CSNK2A2IP: variants seen among roughly 807,000 people sequenced by gnomAD.
The protein encoded by CSNK2A2IP is casein kinase II subunit alpha'-interacting protein.
At chr3:88,457,372 A>G in the CSNK2A2IP span, among the ~76,000 whole-genome samples, 87 of 151,614 alleles carry the variant, frequency 5.7e-4, no homozygotes, top group African/African-American at 1.9e-3. Flanking sequence ...TTTTATCTAT[A>G]TTTATAAGAA....
the CSNK2A2IP span, among the ~76,000 whole-genome samples, chr3:88,390,496 C>T: frequency 2.0e-4 from 31 of 152,274 alleles, no homozygotes; most frequent in African/African-American, 7.5e-4. Context: ...GATAACTCAA[C>T]GTCACATCCA....
At chr3:88,417,314 A>G in the CSNK2A2IP span, among the ~76,000 whole-genome samples, 3 of 151,850 alleles carry the variant, frequency 2.0e-5, no homozygotes, top group African/African-American at 7.3e-5. Flanking sequence ...TGCTTTCCTC[A>G]TGTTTATCTG....
chr3:88,438,635 G>T, the CSNK2A2IP span, among the ~76,000 whole-genome samples: 6 of 152,240 alleles, frequency 3.9e-5, no homozygotes, highest in Middle Eastern at 6.8e-3. Context: ...GCCTCACCAG[G>T]CTTCTCCACT....
the CSNK2A2IP span, among the ~76,000 whole-genome samples, chr3:88,429,021 T>A: frequency 4.5e-5 from 4 of 89,608 alleles, no homozygotes; most frequent in Non-Finnish European, 9.8e-5. Flanking sequence ...GGCCCTTGAT[T>A]TTAGATATGG....
the CSNK2A2IP span, among the ~76,000 whole-genome samples, chr3:88,365,830 C>G: frequency 1.3e-5 from 2 of 152,078 alleles, no homozygotes; most frequent in Non-Finnish European, 2.9e-5. Context: ...AGTTTCTTGG[C>G]TGTTGATTTA....
At chr3:88,373,320 G>T in the CSNK2A2IP span, among the ~76,000 whole-genome samples, 1 of 151,232 alleles carries the variant, frequency 6.6e-6, no homozygotes, top group South Asian at 2.1e-4. Flanking sequence ...AAAATTAATA[G>T]TAAAGACATA....
At chr3:88,398,470 T>C in the CSNK2A2IP span, among the ~76,000 whole-genome samples, 1 of 152,156 alleles carries the variant, frequency 6.6e-6, no homozygotes, top group African/African-American at 2.4e-5. Flanking sequence ...ATCATTTAAA[T>C]CCACACACCA....
the CSNK2A2IP span, chr3:88,466,385 A>C: frequency 2.4e-6 from 3 of 1,231,806 alleles, no homozygotes; most frequent in Non-Finnish European, 3.0e-6. Context: ...TGTCACTCCA[A>C]GTTTCAGAAT....
chr3:88,394,558 GA>G, the CSNK2A2IP span, among the ~76,000 whole-genome samples: 1 of 152,108 alleles, frequency 6.6e-6, no homozygotes, highest in African/African-American at 2.4e-5. Flanking sequence ...TTTTTTAGTA[GA>G]AACGGGGTTT....
At chr3:88,359,678 GTTC>G in the CSNK2A2IP span, among the ~76,000 whole-genome samples, 1 of 152,014 alleles carries the variant, frequency 6.6e-6, no homozygotes, top group Non-Finnish European at 1.5e-5. Context: ...GGTTTCCAAA[GTTC>G]TTCTTGTTAT....
chr3:88,466,267 GCAT>G, the CSNK2A2IP span: 1 of 1,231,682 alleles, frequency 8.1e-7, no homozygotes, highest in Non-Finnish European at 1.0e-6. Context: ...AAGGCAATCA[GCAT>G]CATCATATTT....
At chr3:88,346,733 C>T in the CSNK2A2IP span, among the ~76,000 whole-genome samples, 1 of 151,938 alleles carries the variant, frequency 6.6e-6, no homozygotes, top group Admixed American at 6.6e-5. Context: ...TGCATCTGGT[C>T]ACTCAGGAGC....
chr3:88,447,682 G>A, the CSNK2A2IP span, among the ~76,000 whole-genome samples: 3 of 151,998 alleles, frequency 2.0e-5, no homozygotes, highest in Admixed American at 6.6e-5. Context: ...ACATAGTAAC[G>A]ATAGAATGAT....
chr3:88,411,128 A>G, the CSNK2A2IP span, among the ~76,000 whole-genome samples: 1 of 151,970 alleles, frequency 6.6e-6, no homozygotes, highest in African/African-American at 2.4e-5. Flanking sequence ...TCTTGATTAG[A>G]ATAACATTTT....
the CSNK2A2IP span, among the ~76,000 whole-genome samples, chr3:88,386,629 A>T: frequency 2.0e-5 from 3 of 152,246 alleles, no homozygotes; most frequent in Admixed American, 6.5e-5. Context: ...ACAGAGTACC[A>T]GAATTGAGGC....
At chr3:88,407,920 A>G in the CSNK2A2IP span, among the ~76,000 whole-genome samples, 1 of 151,966 alleles carries the variant, frequency 6.6e-6, no homozygotes, top group African/African-American at 2.4e-5. Context: ...GACGGGTTTC[A>G]CCATGTTGGC....
At chr3:88,383,691 C>T in the CSNK2A2IP span, among the ~76,000 whole-genome samples, 2 of 117,300 alleles carry the variant, frequency 1.7e-5, no homozygotes, top group Non-Finnish European at 3.2e-5. Flanking sequence ...GAGTCTTGCT[C>T]TGTCACGCAG....
At chr3:88,369,367 A>G in the CSNK2A2IP span, among the ~76,000 whole-genome samples, 2 of 151,932 alleles carry the variant, frequency 1.3e-5, no homozygotes, top group African/African-American at 2.4e-5. Context: ...TTCTTGCAGA[A>G]AACAATTACA....
chr3:88,444,148 G>A, the CSNK2A2IP span, among the ~76,000 whole-genome samples: 4 of 152,010 alleles, frequency 2.6e-5, no homozygotes, highest in African/African-American at 9.7e-5. Context: ...AAAAGTTAAT[G>A]TACCTCTGTT....
Sources: allele counts gnomAD v4.1 joint callset (sites outside exome capture counted in the v4.1 genomes callset), GRCh38; gene constraint gnomAD v4.1.1; transcripts MANE v1.5; gene names NCBI Gene and HGNC (gene_info 2026-07-23, HGNC 2026-07-21).